The following COL9A1 variants were observed in gnomAD, a reference collection of about 807,000 sequenced individuals.
COL9A1 encodes collagen alpha-1(IX) chain.
A neutral mutation model predicts 142.6 loss-of-function variants in COL9A1; 104 were observed. The ratio of observed to expected loss-of-function variants is 0.73; its 90% confidence interval spans 0.62 to 0.86. The LOEUF is 0.86. COL9A1 is among the 40% of genes least tolerant of loss of function. The pLI, the probability that COL9A1 is intolerant of heterozygous loss-of-function variation, is 0.00. For missense variants in COL9A1, 1,210 were observed against 1,176.6 expected (o/e 1.03, Z -0.42); for synonymous variants, 466 against 396.0 (o/e 1.18, Z -2.10).
intron 10 of COL9A1, among the ~76,000 whole-genome samples, chr6:70,275,954 T>A (rs1408941296): frequency 1.3e-5 from 2 of 152,178 alleles, no homozygotes; most frequent in African/African-American, 4.8e-5. Flanking sequence ...CTTCACATAA[T>A]TCATATAGAA....
chr6:70,288,069 C>T (rs1320522706), intron 5 of COL9A1, among the ~76,000 whole-genome samples: 2 of 152,094 alleles, frequency 1.3e-5, no homozygotes, highest in Admixed American at 6.5e-5. Context: ...ATATATCTGC[C>T]TATTTACCAA....
At chr6:70,258,622 C>T (rs927358505) in intron 20 of COL9A1, 1 of 152,158 alleles carries the variant, frequency 6.6e-6, no homozygotes, top group African/African-American at 2.4e-5. Context: ...AGAGCAGAAC[C>T]CAGCCTTTGC....
In COL9A1 at chr6:70,266,717, C is replaced by CT; in HGVS notation, c.1340dup (p.Glu449Ter). ...TCCACTAAATACCCATTTTCCTTAC[C>CT]TTGTGTCCTTGTCTTCCTGGTTCAC... is the stretch of plus-strand genomic sequence containing the variant. On this transcript the variant is annotated frameshift_variant and splice_region_variant, in exon 18 of 38. Transcript: ENST00000357250. LOFTEE classifies it high-confidence loss of function. 3 of 1,612,282 alleles carry CT rather than the reference C, an allele frequency of 1.9e-6. No individual in the cohort carries two copies. The highest frequency in any genetic ancestry group is 2.5e-6 in the Non-Finnish European group (3 of 1,178,498).
chr6:70,302,213 T>C (rs1583358903), intron 1 of COL9A1, 139 bp from the exon 2 acceptor site: 28 of 538,708 alleles, frequency 5.2e-5, no homozygotes, highest in South Asian at 1.4e-4. Flanking sequence ...TCTTTTTTTT[T>C]TTTTTTTTTT....
chr6:70,300,294 T>C lies in COL9A1; in HGVS notation c.166+15A>G, dbSNP rs774069988. 6.2e-7 allele frequency: 1 copy of C among 1,609,830 alleles called. No individual in the cohort carries two copies. The highest frequency in any genetic ancestry group is 1.1e-5 in the South Asian group (1 of 90,986). On this transcript the variant is annotated intron_variant, in intron 3 of 37. Transcript: ENST00000357250. Reference sequence around the variant, plus strand: ...TAGAAAGCATGCATTTTCAATAGGGTACATTGCTACTCACCTGGTAAGTCA... The same window carrying C: ...TAGAAAGCATGCATTTTCAATAGGGCACATTGCTACTCACCTGGTAAGTCA...
rs1562307548 is a variant in COL9A1, at chr6:70,257,048, A to AATTTTTTTTTTTTTTTTTT, written c.1450-228_1450-227insAAAAAAAAAAAAAAAAAAT. Among the ~76,000 whole-genome samples, 2 of 105,018 alleles carry AATTTTTTTTTTTTTTTTTT rather than the reference A, an allele frequency of 1.9e-5. 1 individual carries two copies. The highest frequency in any genetic ancestry group is 3.7e-5 in the Non-Finnish European group (2 of 53,854). The allele number at this position is 105,018 out of a possible 152,430, so 68.9% of individuals were successfully genotyped here. On this transcript the variant is annotated intron_variant, in intron 20 of 37. Coordinates refer to ENST00000357250, the MANE Select transcript of COL9A1 (RefSeq NM_001851.6). The stretch of plus-strand genomic sequence containing the variant: ...ACACAATCTTTGATGCCACTCTGTA[A>AATTTTTTTTTTTTTTTTTT]TTTTTTTTTTTTTTTTTTTTTTTTT...
intron 37 of COL9A1, among the ~76,000 whole-genome samples, chr6:70,218,892 A>C (rs1217323012): frequency 6.6e-6 from 1 of 152,226 alleles, no homozygotes; most frequent in Non-Finnish European, 1.5e-5. Context: ...ATTATCTTTG[A>C]ATTTATCCAT....
At position 70,274,057 on chromosome 6, in the gene COL9A1, C is replaced by A; in HGVS notation, c.1055G>T (p.Arg352Leu). The change falls in exon 12 of 38, where the codon CGT becomes CTT. Residue 352 changes from arginine (R) to leucine (L), a missense_variant. Coordinates refer to ENST00000357250, the MANE Select transcript of COL9A1 (RefSeq NM_001851.6). ...QKGEPGVPGS[R>L]GFPGRGIPGP... ...TTTACATTTACTTACTGGAAATCCA[C>A]GCGATCCAGGCACACCAGGTTCTCC... 1 of 1,561,542 alleles carries A rather than the reference C, an allele frequency of 6.4e-7. No individual in the cohort carries two copies. The highest frequency in any genetic ancestry group is 1.2e-5 in the South Asian group (1 of 81,792).
rs924701727 is a variant in COL9A1 at position 70,274,753 on chromosome 6, C to T, written c.995G>A (p.Gly332Glu). ...CTTTGACCCAATGGAGCCAGGGGAT[C>T]CATCAGGTCCTGTTAATCCCTAATA... The part of the protein sequence containing the change: ...PGADGLTGPD[G>E]SPGSIGSKGQ... The change falls in exon 11 of 38, where the codon GGA becomes GAA. Residue 332 changes from glycine (G) to glutamate (E), a missense_variant. Physicochemically the swap from Gly to Glu is moderately conservative, Grantham distance 98. Coordinates refer to ENST00000357250, the MANE Select transcript of COL9A1 (RefSeq NM_001851.6). 6.2e-7 allele frequency: 1 copy of T among 1,612,670 alleles called. No individual in the cohort carries two copies. The highest frequency in any genetic ancestry group is 8.5e-7 in the Non-Finnish European group (1 of 1,178,952).
intron 37 of COL9A1, among the ~76,000 whole-genome samples, chr6:70,218,135 T>G (rs1768643520): frequency 6.6e-6 from 1 of 152,148 alleles, no homozygotes; most frequent in Admixed American, 6.5e-5. Context: ...AGAACAAGAC[T>G]TCGTCTTAAA....
chr6:70,288,609 T>C (rs116660240), intron 5 of COL9A1, among the ~76,000 whole-genome samples: 38 of 152,306 alleles, frequency 2.5e-4, no homozygotes, highest in African/African-American at 8.7e-4. Flanking sequence ...CTTCCTTTCT[T>C]AGTCTCATTC....
chr6:70,242,634 G>T, intron 29 of COL9A1, 28 bp downstream of exon 29: 3 of 1,600,710 alleles, frequency 1.9e-6, no homozygotes, highest in Non-Finnish European at 2.6e-6. Flanking sequence ...TTTCGTAGAA[G>T]GCAAATAAAC....
chr6:70,256,258 A>C (rs1771288784), intron 21 of COL9A1, among the ~76,000 whole-genome samples: 1 of 152,222 alleles, frequency 6.6e-6, no homozygotes, highest in Admixed American at 6.5e-5. Context: ...GGACTTTGAC[A>C]GTTGGAAATT....
intron 4 of COL9A1, among the ~76,000 whole-genome samples, chr6:70,295,662 C>A (rs565550804): frequency 1.3e-5 from 2 of 152,198 alleles, no homozygotes; most frequent in South Asian, 4.1e-4. Flanking sequence ...CAGAATAAAA[C>A]CAGTAGTGTC....
Position 70,256,797 on chromosome 6 carries a change from G to T in COL9A1, c.1474C>A (p.Pro492Thr). ...GCACCAGGAAGACCCTGAGGCCCAG[G>T]TTCACCATCTAAGCCCCGAGCACCC... is the stretch of plus-strand genomic sequence containing the variant. ...EKGARGLDGE[P>T]GPQGLPGAPG... The change falls in exon 21 of 38, where the codon CCT becomes ACT. Residue 492 changes from proline (P) to threonine (T), a missense_variant. Transcript: ENST00000357250. The T allele has an allele frequency of 6.2e-7, 1 of 1,613,486 alleles. No homozygotes were observed. Among genetic ancestry groups the T allele is most frequent in the African/African-American group, 1.3e-5 (1 of 74,872 alleles).
chr6:70,293,797 G>T (rs1222265411), intron 5 of COL9A1, among the ~76,000 whole-genome samples: 1 of 151,512 alleles, frequency 6.6e-6, no homozygotes, highest in Non-Finnish European at 1.5e-5. Context: ...CTCTCTTTTT[G>T]CCAATCCAAA....
chr6:70,248,754 G>A (rs373522239), intron 28 of COL9A1, among the ~76,000 whole-genome samples: 106 of 152,252 alleles, frequency 7.0e-4, no homozygotes, highest in African/African-American at 2.4e-3. Context: ...TATTGATTGA[G>A]TGCTACCTTA....
chr6:70,228,363 A>G (rs1320306213), intron 36 of COL9A1, among the ~76,000 whole-genome samples: 1 of 152,144 alleles, frequency 6.6e-6, no homozygotes, highest in Non-Finnish European at 1.5e-5. Flanking sequence ...TTAATTCCTT[A>G]GTTAACTGGT....
In COL9A1 at chr6:70,241,999, C is replaced by CA; in HGVS notation, c.1962dup (p.Gly655TrpfsTer11). On this transcript the variant is annotated frameshift_variant, in exon 30 of 38. Coordinates refer to ENST00000357250, the MANE Select transcript of COL9A1 (RefSeq NM_001851.6). LOFTEE classifies it high-confidence loss of function. Reference sequence around the variant, plus strand: ...TTCATTCCAGGAAGTCCAGGGGGCCCAGGCAAGCCAGGGAGGCCAGGGCTA... The same window carrying CA: ...TTCATTCCAGGAAGTCCAGGGGGCCCAAGGCAAGCCAGGGAGGCCAGGGCTA... 2 of 1,599,978 alleles carry CA rather than the reference C, an allele frequency of 1.3e-6. No individual in the cohort carries two copies. Among genetic ancestry groups the CA allele is most frequent in the Non-Finnish European group, 1.7e-6 (2 of 1,172,222 alleles).
Sources: allele counts gnomAD v4.1 joint callset (sites outside exome capture counted in the v4.1 genomes callset), GRCh38; gene constraint gnomAD v4.1.1; transcripts MANE v1.5; gene names NCBI Gene and HGNC (gene_info 2026-07-23, HGNC 2026-07-21).